ST13: variants seen among roughly 807,000 people sequenced by gnomAD.
The protein encoded by ST13 is ST13 Hsp70 interacting protein, also known as hsc70-interacting protein.
ST13 carries 23 observed loss-of-function variants against 56.7 expected under a neutral mutation model. The observed-to-expected ratio is 0.41, with a 90% CI of 0.29 to 0.57. ST13 has a LOEUF of 0.57. Ranked by LOEUF, ST13 falls within the 20% of genes least tolerant of loss-of-function variation. The pLI, the probability that ST13 is intolerant of heterozygous loss-of-function variation, is 0.36. For synonymous variants in ST13, 132 were observed against 142.4 expected (o/e 0.93, Z 0.52); for missense variants, 369 against 459.9 (o/e 0.80, Z 1.81).
intron 11 of ST13, 152 bp downstream of exon 11, chr22:40,826,944 A>G: frequency 2.1e-6 from 2 of 957,972 alleles, no homozygotes; most frequent in Non-Finnish European, 3.0e-6. Context: ...CTCACTCTGC[A>G]TAAAGAAAAT....
chr22:40,831,307 T>C (rs896177945), intron 8 of ST13, among the ~76,000 whole-genome samples: 1 of 152,098 alleles, frequency 6.6e-6, no homozygotes, highest in Non-Finnish European at 1.5e-5. Flanking sequence ...CTGAATTCAG[T>C]AGGAAGAGTA....
At chr22:40,844,499 T>G (rs1285792140) in intron 4 of ST13, among the ~76,000 whole-genome samples, 1 of 152,192 alleles carries the variant, frequency 6.6e-6, no homozygotes, top group Non-Finnish European at 1.5e-5. Context: ...TTTCACTCCC[T>G]TGAGGGCCTG....
At chr22:40,838,144 T>C (rs2057786414) in intron 5 of ST13, among the ~76,000 whole-genome samples, 2 of 152,170 alleles carry the variant, frequency 1.3e-5, no homozygotes, top group South Asian at 4.1e-4. Context: ...ATGATGCTGT[T>C]GTAGTGGGAA....
At chr22:40,851,246 C>A (rs1027210568) in intron 1 of ST13, among the ~76,000 whole-genome samples, 1 of 152,118 alleles carries the variant, frequency 6.6e-6, no homozygotes, top group Non-Finnish European at 1.5e-5. Context: ...TATCTGAATC[C>A]TAAATTTGAA....
rs149314855 is a variant in ST13, at chr22:40,839,669, G to A, written c.382+957C>T. ...AATCCCAGCTACTAGGGAGGCTGAG[G>A]CAGGAGAATTGCTCGACTTGGGGTG... On this transcript the variant is annotated intron_variant, in intron 5 of 11. Coordinates refer to ENST00000216218, the MANE Select transcript of ST13 (RefSeq NM_003932.5). Among the ~76,000 whole-genome samples the A allele has an allele frequency of 2.6e-5, 4 of 152,044 alleles. No homozygotes were observed. In the East Asian group the frequency reaches 7.7e-4, roughly 29 times the overall value.
At chr22:40,841,614 T>C (rs1211051448) in intron 4 of ST13, among the ~76,000 whole-genome samples, 1 of 152,004 alleles carries the variant, frequency 6.6e-6, no homozygotes, top group South Asian at 2.1e-4. Flanking sequence ...ATAAAAATAA[T>C]GTTTTATTTA....
At chr22:40,855,629 CTCCT>C (rs2057887294) in intron 1 of ST13, among the ~76,000 whole-genome samples, 1 of 152,262 alleles carries the variant, frequency 6.6e-6, no homozygotes, top group African/African-American at 2.4e-5. Flanking sequence ...CTCTTCGGTG[CTCCT>C]TCAACACATA....
At chr22:40,829,396 A>C (rs556075466) in intron 10 of ST13, among the ~76,000 whole-genome samples, 64 of 152,294 alleles carry the variant, frequency 4.2e-4, no homozygotes, top group African/African-American at 1.5e-3. Context: ...GATTTGCCTC[A>C]CTAGCAATTT....
At chr22:40,838,210 T>C (rs2145739023) in intron 5 of ST13, among the ~76,000 whole-genome samples, 1 of 152,324 alleles carries the variant, frequency 6.6e-6, no homozygotes, top group East Asian at 1.9e-4. Context: ...TCTGGCTCCA[T>C]ACTCCAGGTT....
At position 40,831,857 on chromosome 22, in the gene ST13, CTTCT is replaced by C. The variant is rs541515949; in HGVS notation, c.681+708_681+711del. 2.3e-4 allele frequency among the ~76,000 whole-genome samples: 35 copies of C among 152,144 alleles called. No individual in the cohort carries two copies. The South Asian group carries it at 4.8e-3, about 21-fold the overall frequency. ...TATTATTATTTTTAAAAGATTGAAACTTCTTTGTTTTATTAAGACAGCCTCGCTC... is the reference window on the plus strand; with the variant it reads ...TATTATTATTTTTAAAAGATTGAAACTTGTTTTATTAAGACAGCCTCGCTC... On this transcript the variant is annotated intron_variant, in intron 8 of 11. Coordinates refer to ENST00000216218, the MANE Select transcript of ST13 (RefSeq NM_003932.5).
intron 5 of ST13, among the ~76,000 whole-genome samples, chr22:40,836,178 C>T (rs939432075): frequency 6.4e-4 from 97 of 152,170 alleles, no homozygotes; most frequent in African/African-American, 2.3e-3. Flanking sequence ...TAGACGGGCA[C>T]GGTGGCTCAC....
chr22:40,832,871 C>T (rs1038838886), intron 7 of ST13, among the ~76,000 whole-genome samples, 200 bp from the exon 8 acceptor site: 2 of 152,228 alleles, frequency 1.3e-5, no homozygotes, highest in African/African-American at 2.4e-5. Flanking sequence ...TAAATTTCCT[C>T]TATTTAAAGC....
At chr22:40,834,014 C>T (rs2057766058) in intron 7 of ST13, among the ~76,000 whole-genome samples, 1 of 152,136 alleles carries the variant, frequency 6.6e-6, no homozygotes, top group Non-Finnish European at 1.5e-5. Flanking sequence ...CCTTGGGTCA[C>T]ACCTGTAATC....
At chr22:40,855,792 G>C (rs1601478284) in intron 1 of ST13, among the ~76,000 whole-genome samples, 1 of 152,002 alleles carries the variant, frequency 6.6e-6, no homozygotes, top group Admixed American at 6.5e-5. Context: ...TACAGTTAAA[G>C]ACAACAAGAT....
chr22:40,848,926 T>C (rs770629656), intron 2 of ST13, among the ~76,000 whole-genome samples: 14 of 152,122 alleles, frequency 9.2e-5, no homozygotes, highest in Non-Finnish European at 1.6e-4. Context: ...TAATAAACAA[T>C]GAAAATTCAA....
chr22:40,835,069 C>A (rs575433047), intron 7 of ST13, among the ~76,000 whole-genome samples: 1 of 152,324 alleles, frequency 6.6e-6, no homozygotes, highest in South Asian at 2.1e-4. Flanking sequence ...TTATGCCCCC[C>A]CGCCTTCTCC....
chr22:40,853,654 G>A (rs528634780), intron 1 of ST13, among the ~76,000 whole-genome samples: 5 of 152,194 alleles, frequency 3.3e-5, no homozygotes, highest in Middle Eastern at 3.4e-3. Context: ...TTTGTGCTAT[G>A]GTTATTTGTA....
At chr22:40,855,248 A>T (rs896466763) in intron 1 of ST13, among the ~76,000 whole-genome samples, 2 of 152,170 alleles carry the variant, frequency 1.3e-5, no homozygotes, top group Non-Finnish European at 2.9e-5. Flanking sequence ...CCAGGAGTTC[A>T]AGACAAGCCT....
chr22:40,829,530 A>G (rs945572694), intron 10 of ST13, 96 bp downstream of exon 10: 1 of 580,094 alleles, frequency 1.7e-6, no homozygotes, highest in East Asian at 3.6e-5. Context: ...ATAAGAGAAC[A>G]AAATCAGAAT....
Sources: allele counts gnomAD v4.1 joint callset (sites outside exome capture counted in the v4.1 genomes callset), GRCh38; gene constraint gnomAD v4.1.1; transcripts MANE v1.5; gene names NCBI Gene and HGNC (gene_info 2026-07-23, HGNC 2026-07-21).